The following FKBP9 variants were observed in gnomAD, a reference collection of about 807,000 sequenced individuals.
The protein encoded by FKBP9 is FKBP prolyl isomerase 9.
Under a neutral mutation model 55.6 loss-of-function variants are expected in FKBP9, and 27 were observed. The observed-to-expected ratio is 0.49, with a 90% CI of 0.36 to 0.67. FKBP9 has a LOEUF of 0.67. FKBP9 is among the 30% of genes least tolerant of loss of function. The pLI, the probability that FKBP9 is intolerant of heterozygous loss-of-function variation, is 0.00. For missense variants in FKBP9, 539 were observed against 742.8 expected, an observed-to-expected ratio of 0.73 and a Z score of 3.19; for synonymous variants, 267 against 296.5, an observed-to-expected ratio of 0.90 and a Z score of 1.02.
In FKBP9 at chr7:32,980,611, A is replaced by C. The variant is rs911205500; in HGVS notation, c.893+58A>C. 28 of 1,579,742 alleles carry C rather than the reference A, an allele frequency of 1.8e-5. No homozygotes were observed. In the African/African-American group the frequency reaches 3.4e-4, roughly 19 times the overall value. On this transcript the variant is annotated intron_variant, in intron 5 of 9. Transcript: ENST00000242209. ...AACATTGTATTAAATAAAGTCTGCC[A>C]TTGGCTGGACCATGATTTAAATACT...
intron 6 of FKBP9, chr7:32,992,991 A>G (rs949802175): frequency 4.3e-6 from 1 of 231,520 alleles, no homozygotes; most frequent in Non-Finnish European, 8.5e-6. Context: ...CGACCTCTAC[A>G]CTGGTTGGAA....
chr7:32,974,886 A>C, intron 2 of FKBP9, 124 bp downstream of exon 2: 1 of 902,650 alleles, frequency 1.1e-6, no homozygotes, highest in South Asian at 1.7e-5. Context: ...AAAAGCAGTG[A>C]ACTCATACAC....
In FKBP9 at chr7:32,957,440, G is replaced by C. The variant is rs1430948402; in HGVS notation, c.-134G>C. ...GCGGCCGGGAGGGCGGGCGGCCGGG[G>C]AGACGGGGTGGCGGCTGCAGCCCGG... On this transcript the variant is annotated 5_prime_UTR_variant, in exon 1 of 10. Transcript: ENST00000242209. 3.3e-6 allele frequency: 2 copies of C among 610,556 alleles called. No homozygotes were observed. The highest frequency in any genetic ancestry group is 2.4e-6 in the Non-Finnish European group (1 of 413,858). 37.8% of individuals were successfully genotyped at this position (610,556 alleles called of 1,614,324 possible).
At chr7:32,973,574 A>C (rs1006047317) in intron 1 of FKBP9, among the ~76,000 whole-genome samples, 11 of 60,316 alleles carry the variant, frequency 1.8e-4, no homozygotes, top group Non-Finnish European at 3.5e-5. Flanking sequence ...ACTTTAAAAA[A>C]AATCAAGTGT....
chr7:32,975,261 G>C lies in FKBP9; in HGVS notation c.447G>C (p.Gln149His), dbSNP rs200986982. ...MDIWNSEDQV[Q>H]IHTYFKPPSC... is the part of the protein sequence containing the mutation. Reference sequence around the variant, plus strand: ...TTTGGAATTCTGAAGACCAGGTTCAGATTCACACCTATTTCAAGCCCCCGA... The same window carrying C: ...TTTGGAATTCTGAAGACCAGGTTCACATTCACACCTATTTCAAGCCCCCGA... Residue 149 changes from glutamine (Q) to histidine (H), a missense_variant, in exon 3 of 10, where the codon CAG (glutamine) becomes CAC (histidine). This residue lies in a region of FKBP9 where 236 missense variants were observed against 271.5 expected (regional missense o/e 0.87). Transcript: ENST00000242209. The C allele has an allele frequency of 8.6e-5, 138 of 1,613,876 alleles. No homozygotes were observed. Among genetic ancestry groups the C allele is most frequent in the Admixed American group, 3.2e-4 (19 of 60,008 alleles).
At chr7:32,965,870 T>TATATGTATAC (rs1562563084) in intron 1 of FKBP9, among the ~76,000 whole-genome samples, 15 of 35,940 alleles carry the variant, frequency 4.2e-4, no homozygotes, top group South Asian at 1.4e-3. Context: ...TATATATACA[T>TATATGTATAC]ACATATATAT....
intron 3 of FKBP9, among the ~76,000 whole-genome samples, chr7:32,975,649 TTTC>T (rs1784350016): frequency 1.7e-5 from 1 of 57,680 alleles, no homozygotes; most frequent in Non-Finnish European, 3.8e-5. Context: ...GTTCTATTTC[TTTC>T]TTTTTTTTTT....
chr7:32,993,995 T>C (rs1784734673), intron 6 of FKBP9, among the ~76,000 whole-genome samples: 1 of 152,206 alleles, frequency 6.6e-6, no homozygotes, highest in African/African-American at 2.4e-5. Flanking sequence ...TGAATATGAG[T>C]GTACAAATAT....
In FKBP9 at chr7:32,974,720, G is replaced by C. The variant is rs751853062; in HGVS notation, c.325G>C (p.Val109Leu). Reference protein sequence around the residue: ...VGMCVNERRFVKIPPKLAYGN... With the variant: ...VGMCVNERRFLKIPPKLAYGN... Reference sequence around the variant, plus strand: ...GATGTGCGTAAACGAGAGACGTTTCGTGAAGATTCCCCCAAAGCTTGCCTA... The same window carrying C: ...GATGTGCGTAAACGAGAGACGTTTCCTGAAGATTCCCCCAAAGCTTGCCTA... Residue 109 changes from valine (V) to leucine (L), a missense_variant, in exon 2 of 10, where the codon GTG becomes CTG. Val to Leu is a conservative substitution (Grantham distance 32). Transcript: ENST00000242209. 1 of 1,613,794 alleles carries C rather than the reference G, an allele frequency of 6.2e-7. No individual in the cohort carries two copies.
intron 9 of FKBP9, 68 bp downstream of exon 9, chr7:33,002,907 C>T (rs1470409026): frequency 9.7e-6 from 15 of 1,541,684 alleles, no homozygotes; most frequent in Middle Eastern, 1.7e-4. Context: ...GCCGTGGGGC[C>T]GGTTCTGAAG....
intron 5 of FKBP9, among the ~76,000 whole-genome samples, chr7:32,984,422 AT>A (rs954736715): frequency 6.6e-6 from 1 of 151,760 alleles, no homozygotes; most frequent in Non-Finnish European, 1.5e-5. Context: ...TGCCCGACTC[AT>A]TTTTTTGTAT....
At chr7:32,974,420 T>C (rs1313094300) in intron 1 of FKBP9, among the ~76,000 whole-genome samples, 197 bp from the exon 2 acceptor site, 9 of 151,646 alleles carry the variant, frequency 5.9e-5, no homozygotes, top group Non-Finnish European at 1.3e-4. Flanking sequence ...TTGCTGGCAA[T>C]ATTCAAGGTA....
chr7:32,957,936 G>A (rs1223548590), intron 1 of FKBP9, 142 bp downstream of exon 1: 21 of 683,326 alleles, frequency 3.1e-5, no homozygotes, highest in Admixed American at 4.3e-5. Context: ...AGATCCTCCC[G>A]GACCCCAGAC....
At chr7:32,961,169 T>C (rs1438829639) in intron 1 of FKBP9, among the ~76,000 whole-genome samples, 2 of 152,154 alleles carry the variant, frequency 1.3e-5, no homozygotes, top group African/African-American at 4.8e-5. Flanking sequence ...GAGGTTAGGA[T>C]GGAATCCTGG....
At chr7:33,000,090 A>G in intron 7 of FKBP9, 25 bp from the exon 8 acceptor site, 1 of 1,614,146 alleles carries the variant, frequency 6.2e-7, no homozygotes, top group Non-Finnish European at 8.5e-7. Context: ...GTGACCTAAC[A>G]TGAGGCTCTT....
chr7:32,974,534 G>A, intron 1 of FKBP9, 83 bp from the exon 2 acceptor site: 1 of 1,226,346 alleles, frequency 8.2e-7, no homozygotes, highest in Non-Finnish European at 1.2e-6. Flanking sequence ...TACATCTGTG[G>A]GCACATTTTT....
chr7:33,004,197 C>T lies in FKBP9; in HGVS notation c.1537-978C>T, dbSNP rs142147574. ...ACCCCCACCCTGTAGCATCTTAGCC[C>T]GGGGCCTGTCATCTCTTTCCCGGGT... On this transcript the variant is annotated intron_variant, in intron 9 of 9. Coordinates refer to ENST00000242209, the MANE Select transcript of FKBP9 (RefSeq NM_007270.5). 7.8e-3 allele frequency among the ~76,000 whole-genome samples: 1,194 copies of T among 152,164 alleles called. 12 individuals are homozygous for T. Among genetic ancestry groups the T allele is most frequent in the African/African-American group, 0.027 (1,103 of 41,520 alleles).
At chr7:32,985,956 G>T (rs1168819619) in intron 5 of FKBP9, among the ~76,000 whole-genome samples, 1 of 152,140 alleles carries the variant, frequency 6.6e-6, no homozygotes, top group Non-Finnish European at 1.5e-5. Flanking sequence ...TCTTACCATT[G>T]CACTCCAGCC....
chr7:32,982,023 A>ATTT (rs544558731), intron 5 of FKBP9, among the ~76,000 whole-genome samples: 3 of 138,394 alleles, frequency 2.2e-5, no homozygotes, highest in African/African-American at 5.4e-5. Flanking sequence ...CAATGTCTGG[A>ATTT]TTTTTTTTTT....
Sources: allele counts gnomAD v4.1 joint callset (sites outside exome capture counted in the v4.1 genomes callset), GRCh38; gene constraint gnomAD v4.1.1; regional missense constraint gnomAD v4.1.1; transcripts MANE v1.5; gene names NCBI Gene and HGNC (gene_info 2026-07-23, HGNC 2026-07-21).